Variants in RCAN1 observed in about 807,000 individuals in gnomAD.
RCAN1 encodes the protein calcipressin-1.
In RCAN1, 11 loss-of-function variants were observed where a neutral mutation model predicts 22.9. That is an observed-to-expected ratio of 0.48 (90% confidence interval 0.30 to 0.79). The LOEUF is 0.79. Ranked by LOEUF, RCAN1 falls within the 30% of genes least tolerant of loss-of-function variation. RCAN1 has a pLI of 0.06. For synonymous variants in RCAN1, 136 were observed against 142.3 expected, an observed-to-expected ratio of 0.96 and a Z score of 0.32; for missense variants, 291 against 337.8, an observed-to-expected ratio of 0.86 and a Z score of 1.09.
At chr21:34,559,378 A>G (rs1455925904) in intron 1 of RCAN1, 3 of 152,100 alleles carry the variant, frequency 2.0e-5, no homozygotes, top group African/African-American at 7.2e-5. Flanking sequence ...GAGCTCCACA[A>G]TGAATCCAAT....
chr21:34,519,006 T>G (rs1020407708), intron 3 of RCAN1, among the ~76,000 whole-genome samples: 30 of 152,200 alleles, frequency 2.0e-4, no homozygotes, highest in Non-Finnish European at 3.8e-4. Context: ...AGTGTGCATC[T>G]CTGGTGCTCA....
chr21:34,601,774 T>C (rs985279404), intron 1 of RCAN1, among the ~76,000 whole-genome samples: 12 of 144,218 alleles, frequency 8.3e-5, no homozygotes, highest in African/African-American at 2.1e-4. Context: ...GCCGAGATCG[T>C]GCCACTGCAC....
chr21:34,539,453 G>A (rs1985825795), intron 1 of RCAN1, among the ~76,000 whole-genome samples: 1 of 152,208 alleles, frequency 6.6e-6, no homozygotes. Flanking sequence ...AAGAATATGT[G>A]TGATAGTATT....
intron 1 of RCAN1, among the ~76,000 whole-genome samples, chr21:34,597,738 GA>G (rs1270860746): frequency 6.6e-6 from 1 of 152,098 alleles, no homozygotes; most frequent in Non-Finnish European, 1.5e-5. Context: ...AAACAAGATG[GA>G]AAAATCATCA....
chr21:34,532,709 C>T (rs943532641), intron 1 of RCAN1, among the ~76,000 whole-genome samples: 14 of 152,250 alleles, frequency 9.2e-5, no homozygotes, highest in African/African-American at 3.1e-4. Context: ...ATCTCATTCA[C>T]ATATCCATTC....
chr21:34,604,291 C>T (rs536936633), intron 1 of RCAN1, among the ~76,000 whole-genome samples: 46 of 152,198 alleles, frequency 3.0e-4, no homozygotes, highest in African/African-American at 4.6e-4. Context: ...CCACTACGCC[C>T]GGCTAATTTT....
chr21:34,536,327 T>C (rs1175510927), intron 1 of RCAN1, among the ~76,000 whole-genome samples: 1 of 152,190 alleles, frequency 6.6e-6, no homozygotes, highest in Non-Finnish European at 1.5e-5. Flanking sequence ...TTACTGACTT[T>C]AATTTCTGCT....
intron 1 of RCAN1, chr21:34,560,326 C>A (rs554623770): frequency 6.6e-6 from 1 of 152,188 alleles, no homozygotes; most frequent in African/African-American, 2.4e-5. Flanking sequence ...TTCTAAAGTT[C>A]CTTCTGTGAA....
At chr21:34,566,786 T>C (rs1036597377) in intron 1 of RCAN1, among the ~76,000 whole-genome samples, 2 of 152,108 alleles carry the variant, frequency 1.3e-5, no homozygotes, top group Non-Finnish European at 2.9e-5. Context: ...CTTCTACTCA[T>C]GGTGGAAGGT....
intron 1 of RCAN1, among the ~76,000 whole-genome samples, chr21:34,610,452 A>G (rs949758916): frequency 6.6e-6 from 1 of 152,094 alleles, no homozygotes; most frequent in Admixed American, 6.5e-5. Context: ...TCAAACAACA[A>G]TCAGGAGAAG....
At chr21:34,605,197 C>T (rs1271182258) in intron 1 of RCAN1, among the ~76,000 whole-genome samples, 1 of 152,212 alleles carries the variant, frequency 6.6e-6, no homozygotes, top group Non-Finnish European at 1.5e-5. Context: ...AGAATAAAAG[C>T]AGGCAGAAGA....
At chr21:34,595,878 G>T (rs2268272) in intron 1 of RCAN1, among the ~76,000 whole-genome samples, 1 of 152,222 alleles carries the variant, frequency 6.6e-6, no homozygotes, top group African/African-American at 2.4e-5. Context: ...GGACATACGT[G>T]TGAAAAGGGG....
At chr21:34,579,718 A>G (rs781405847) in intron 1 of RCAN1, among the ~76,000 whole-genome samples, 15 of 152,124 alleles carry the variant, frequency 9.9e-5, no homozygotes, top group Admixed American at 6.6e-4. Context: ...ATAGAGTAAA[A>G]TGAATTATTC....
At chr21:34,546,372 A>C (rs1357183574) in intron 1 of RCAN1, among the ~76,000 whole-genome samples, 1 of 150,160 alleles carries the variant, frequency 6.7e-6, no homozygotes, top group African/African-American at 2.5e-5. Flanking sequence ...GTTACTTATT[A>C]GTTTTTTTTT....
intron 1 of RCAN1, among the ~76,000 whole-genome samples, chr21:34,581,057 C>A (rs1397654817): frequency 6.6e-6 from 1 of 152,050 alleles, no homozygotes; most frequent in Admixed American, 6.6e-5. Flanking sequence ...AGTTCTAAGT[C>A]CTTGTGGAGA....
At chr21:34,575,115 C>A (rs1987369247) in intron 1 of RCAN1, among the ~76,000 whole-genome samples, 1 of 152,212 alleles carries the variant, frequency 6.6e-6, no homozygotes, top group Non-Finnish European at 1.5e-5. Context: ...TTGCGAACAG[C>A]ACCCGTGGGT....
chr21:34,564,665 AG>A (rs1986938181), intron 1 of RCAN1, among the ~76,000 whole-genome samples: 1 of 152,182 alleles, frequency 6.6e-6, no homozygotes, highest in Non-Finnish European at 1.5e-5. Flanking sequence ...AAGTAATGTA[AG>A]TTGGATACAA....
intron 1 of RCAN1, among the ~76,000 whole-genome samples, chr21:34,570,932 A>C (rs1483898694): frequency 6.6e-6 from 1 of 152,220 alleles, no homozygotes; most frequent in African/African-American, 2.4e-5. Flanking sequence ...ACAAAAATTC[A>C]CAAAAATTAA....
At chr21:34,602,366 C>T (rs976775043) in intron 1 of RCAN1, among the ~76,000 whole-genome samples, 3 of 152,178 alleles carry the variant, frequency 2.0e-5, no homozygotes, top group East Asian at 1.9e-4. Context: ...GCTCTATACC[C>T]GCACCCCATT....
Sources: gnomAD v4.1 joint callset for allele counts (sites outside exome capture counted in the v4.1 genomes callset) on GRCh38, gnomAD v4.1.1 for gene constraint, MANE v1.5 for transcripts, NCBI Gene and HGNC (gene_info 2026-07-23, HGNC 2026-07-21) for gene names.